Variants in DEPTOR observed in about 807,000 individuals in gnomAD.
DEPTOR encodes the protein DEP domain-containing mTOR-interacting protein.
In DEPTOR, 41 loss-of-function variants were observed where a neutral mutation model predicts 41.6. The ratio of observed to expected loss-of-function variants is 0.98; its 90% confidence interval spans 0.77 to 1.28. The LOEUF (loss-of-function observed/expected upper bound fraction) is 1.28, where lower values mean the gene tolerates loss of function less well. Ranked by LOEUF, DEPTOR falls within the 50% of genes most tolerant of loss-of-function variation. DEPTOR has a pLI of 0.00. For synonymous variants in DEPTOR, 195 were observed against 192.3 expected, an observed-to-expected ratio of 1.01 and a Z score of -0.12; for missense variants, 514 against 527.9, an observed-to-expected ratio of 0.97 and a Z score of 0.26.
At position 120,002,294 on chromosome 8, in the gene DEPTOR, C is replaced by A. The variant is rs761831104; in HGVS notation, c.790+584C>A. ...AGCTGGGACTACAGGCACGTGTCAC[C>A]ATGCCTGGCTCATTTTTGTATTTTT... is the stretch of plus-strand genomic sequence containing the variant. On this transcript the variant is annotated intron_variant, in intron 5 of 8. Coordinates refer to ENST00000286234, the MANE Select transcript of DEPTOR (RefSeq NM_022783.4). Among the ~76,000 whole-genome samples the A allele has an allele frequency of 4.3e-3, 648 of 152,008 alleles. 13 individuals are homozygous for A. The East Asian group carries it at 0.094, about 22-fold the overall frequency.
chr8:119,975,435 T>C (rs1250423205), intron 4 of DEPTOR, among the ~76,000 whole-genome samples: 1 of 152,170 alleles, frequency 6.6e-6, no homozygotes, highest in African/African-American at 2.4e-5. Flanking sequence ...GGGAGACAGA[T>C]TGGGCTCAAC....
chr8:120,018,132 G>A (rs578222129), intron 8 of DEPTOR, among the ~76,000 whole-genome samples: 1 of 152,194 alleles, frequency 6.6e-6, no homozygotes, highest in South Asian at 2.1e-4. Flanking sequence ...TTTTCCCCCT[G>A]AACCAAGAGA....
intron 1 of DEPTOR, among the ~76,000 whole-genome samples, chr8:119,903,305 C>T (rs372648437): frequency 6.6e-6 from 1 of 152,118 alleles, no homozygotes; most frequent in African/African-American, 2.4e-5. Context: ...GCCATGTTAG[C>T]CAGGCTGGTC....
chr8:119,912,924 T>C (rs954595505), intron 1 of DEPTOR, among the ~76,000 whole-genome samples: 5 of 152,194 alleles, frequency 3.3e-5, no homozygotes, highest in African/African-American at 1.2e-4. Flanking sequence ...TTTTGTTTTT[T>C]GTTTGTTTGT....
At chr8:119,952,216 G>T (rs1828362288) in intron 3 of DEPTOR, among the ~76,000 whole-genome samples, 1 of 152,128 alleles carries the variant, frequency 6.6e-6, no homozygotes, top group Admixed American at 6.6e-5. Flanking sequence ...GACCTGTATG[G>T]ATTGCTCCTT....
intron 8 of DEPTOR, among the ~76,000 whole-genome samples, chr8:120,013,805 C>T (rs1812567982): frequency 6.7e-6 from 1 of 150,144 alleles, no homozygotes; most frequent in African/African-American, 2.4e-5. Flanking sequence ...GTGGCCACTC[C>T]ATCCAGTGAG....
chr8:119,881,159 A>G (rs1469738482), intron 1 of DEPTOR, among the ~76,000 whole-genome samples: 1 of 152,222 alleles, frequency 6.6e-6, no homozygotes, highest in Admixed American at 6.5e-5. Flanking sequence ...TTTAATAAAA[A>G]CGTCTTTAAT....
intron 1 of DEPTOR, among the ~76,000 whole-genome samples, chr8:119,904,604 C>T (rs140395075): frequency 6.6e-6 from 1 of 151,838 alleles, no homozygotes; most frequent in African/African-American, 2.4e-5. Context: ...AAGCAATTCT[C>T]CCTGCCTCAG....
At chr8:120,011,526 G>A (rs1812530765) in intron 8 of DEPTOR, among the ~76,000 whole-genome samples, 1 of 152,188 alleles carries the variant, frequency 6.6e-6, no homozygotes, top group African/African-American at 2.4e-5. Context: ...CCACAATAAA[G>A]TACCTGGTAT....
intron 8 of DEPTOR, among the ~76,000 whole-genome samples, chr8:120,029,281 G>A (rs955399997): frequency 2.0e-5 from 3 of 152,048 alleles, no homozygotes; most frequent in South Asian, 2.1e-4. Flanking sequence ...TTTGGGCAAC[G>A]GACATTTTTT....
At chr8:119,962,922 A>G (rs934085140) in intron 3 of DEPTOR, among the ~76,000 whole-genome samples, 9 of 152,146 alleles carry the variant, frequency 5.9e-5, no homozygotes, top group African/African-American at 1.7e-4. Context: ...GCCAAGGACA[A>G]TGCCTCATTT....
chr8:120,049,403 C>A (rs1030985898), intron 8 of DEPTOR, among the ~76,000 whole-genome samples, 173 bp from the exon 9 acceptor site: 1 of 151,462 alleles, frequency 6.6e-6, no homozygotes, highest in African/African-American at 2.4e-5. Context: ...AATTATACTG[C>A]CTTCCAGAAA....
chr8:119,876,785 A>G (rs1827236531), intron 1 of DEPTOR, among the ~76,000 whole-genome samples: 1 of 152,220 alleles, frequency 6.6e-6, no homozygotes, highest in Admixed American at 6.5e-5. Flanking sequence ...GAGTTCTGTG[A>G]CCTTGGACAA....
At chr8:119,894,987 A>G (rs1245931561) in intron 1 of DEPTOR, among the ~76,000 whole-genome samples, 1 of 152,182 alleles carries the variant, frequency 6.6e-6, no homozygotes, top group East Asian at 1.9e-4. Flanking sequence ...TGTGACATGA[A>G]ATGCATTCCA....
chr8:119,881,438 C>T (rs903369208), intron 1 of DEPTOR, among the ~76,000 whole-genome samples: 2 of 151,678 alleles, frequency 1.3e-5, no homozygotes, highest in Admixed American at 6.6e-5. Context: ...GCAGGAGAAT[C>T]GCTTGAACCA....
At chr8:119,987,057 C>T (rs1469457199) in intron 4 of DEPTOR, among the ~76,000 whole-genome samples, 2 of 152,114 alleles carry the variant, frequency 1.3e-5, no homozygotes, top group East Asian at 3.9e-4. Flanking sequence ...ATTCTCCATC[C>T]AGTTTTGTTC....
intron 8 of DEPTOR, among the ~76,000 whole-genome samples, chr8:120,042,991 C>T (rs1476012441): frequency 1.3e-5 from 2 of 152,080 alleles, no homozygotes; most frequent in African/African-American, 4.8e-5. Flanking sequence ...GCTGGGATTA[C>T]AGGTATGTAC....
chr8:119,939,941 G>C (rs1225697348), intron 3 of DEPTOR, among the ~76,000 whole-genome samples: 1 of 152,096 alleles, frequency 6.6e-6, no homozygotes, highest in African/African-American at 2.4e-5. Context: ...TACCAGGCCA[G>C]GCGCAGTGGC....
At chr8:119,910,447 T>A (rs1203657977) in intron 1 of DEPTOR, among the ~76,000 whole-genome samples, 1 of 152,128 alleles carries the variant, frequency 6.6e-6, no homozygotes, top group Non-Finnish European at 1.5e-5. Flanking sequence ...TTTTCAGGCC[T>A]TATTTTTTAT....
Sources: allele counts gnomAD v4.1 joint callset (sites outside exome capture counted in the v4.1 genomes callset), GRCh38; gene constraint gnomAD v4.1.1; transcripts MANE v1.5; gene names NCBI Gene and HGNC (gene_info 2026-07-23, HGNC 2026-07-21).